Variants in USP49 observed in about 807,000 individuals in gnomAD.
The protein encoded by USP49 is ubiquitin specific peptidase 49.
Under a neutral mutation model 58.6 loss-of-function variants are expected in USP49, and 24 were observed. That is an observed-to-expected ratio of 0.41 (90% CI 0.30 to 0.58). USP49 has a LOEUF of 0.58. Ranked by LOEUF, USP49 falls within the 20% of genes least tolerant of loss-of-function variation. The pLI, the probability that USP49 is intolerant of heterozygous loss-of-function variation, is 0.30. For missense variants in USP49, 703 were observed against 866.1 expected (o/e 0.81, Z 2.36); for synonymous variants, 408 against 365.1 (o/e 1.12, Z -1.34).
At chr6:41,891,502 T>C (rs2127367482) in intron 2 of USP49, among the ~76,000 whole-genome samples, 1 of 152,332 alleles carries the variant, frequency 6.6e-6, no homozygotes, top group East Asian at 1.9e-4. Context: ...CAATTTGCAG[T>C]GCTTACAGAA....
intron 3 of USP49, among the ~76,000 whole-genome samples, chr6:41,841,173 GC>G (rs1445931901): frequency 6.6e-6 from 1 of 151,878 alleles, no homozygotes; most frequent in Non-Finnish European, 1.5e-5. Flanking sequence ...CCACACTCTT[GC>G]CTTCTCACCT....
intron 3 of USP49, among the ~76,000 whole-genome samples, chr6:41,820,651 C>T (rs1170762084): frequency 6.6e-6 from 1 of 151,958 alleles, no homozygotes; most frequent in Non-Finnish European, 1.5e-5. Context: ...TTGACAGGTA[C>T]ATGGAATTCA....
chr6:41,797,584 G>T, intron 7 of USP49: 14 of 981,690 alleles, frequency 1.4e-5, no homozygotes, highest in Non-Finnish European at 1.6e-5. Context: ...CTTTGGAGGG[G>T]CCCTTGCATC....
chr6:41,852,466 G>A (rs1208294345), intron 3 of USP49, among the ~76,000 whole-genome samples: 1 of 152,116 alleles, frequency 6.6e-6, no homozygotes, highest in Non-Finnish European at 1.5e-5. Context: ...AATTCAAAAG[G>A]AAATTTTTTA....
intron 3 of USP49, among the ~76,000 whole-genome samples, chr6:41,843,980 G>A (rs976003081): frequency 1.3e-5 from 2 of 152,122 alleles, no homozygotes; most frequent in African/African-American, 2.4e-5. Flanking sequence ...GGAGGTGGAG[G>A]TGGCAGTGAG....
intron 3 of USP49, among the ~76,000 whole-genome samples, chr6:41,842,802 T>C (rs977605666): frequency 2.6e-5 from 4 of 151,548 alleles, no homozygotes; most frequent in African/African-American, 9.7e-5. Context: ...TTTGTGTTTT[T>C]TCTTAAGTTT....
intron 3 of USP49, among the ~76,000 whole-genome samples, chr6:41,867,934 TA>T (rs1382885967): frequency 6.6e-6 from 1 of 152,244 alleles, no homozygotes; most frequent in Non-Finnish European, 1.5e-5. Context: ...TTCCCATACT[TA>T]AGATACATGA....
At chr6:41,843,387 C>A (rs114979636) in intron 3 of USP49, among the ~76,000 whole-genome samples, 1 of 152,116 alleles carries the variant, frequency 6.6e-6, no homozygotes, top group Non-Finnish European at 1.5e-5. Context: ...TGCATCATCA[C>A]GTTGGCTTTG....
In USP49 at chr6:41,805,888, G is replaced by A. The variant is rs751837819; in HGVS notation, c.1096C>T (p.Arg366Ter). ...GCCCACTTCCCGGACCACATGACTC[G>A]GAAGAGGGTGTGCAGTTCACGGCAG... is the stretch of plus-strand genomic sequence containing the variant. ...SLCRELHTLFRVMWSGKWALV... is the reference protein window; with the variant it reads ...SLCRELHTLF Residue 366 changes from arginine to a stop codon, truncating the protein, a stop_gained, in exon 4 of 8, where the codon CGA becomes TGA. Transcript: ENST00000682992. LOFTEE classifies it high-confidence loss of function. 1 of 1,613,994 alleles carries A rather than the reference G, an allele frequency of 6.2e-7. No homozygotes were observed. The highest frequency in any genetic ancestry group is 8.5e-7 in the Non-Finnish European group (1 of 1,180,026).
At position 41,792,306 on chromosome 6, in the gene USP49, T is replaced by C. The variant is rs1337921589; in HGVS notation, c.*4227A>G. 1 of 152,198 alleles carries C rather than the reference T, an allele frequency of 6.6e-6. No individual in the cohort carries two copies. Among genetic ancestry groups the C allele is most frequent in the Non-Finnish European group, 1.5e-5 (1 of 68,034 alleles). 9.4% of individuals were successfully genotyped at this position (152,198 alleles called of 1,614,324 possible). A position where few individuals can be genotyped will look rare whatever the true frequency, so the allele number is the denominator to read the frequency against. On this transcript the variant is annotated 3_prime_UTR_variant, in exon 8 of 8. Coordinates refer to ENST00000682992, the MANE Select transcript of USP49 (RefSeq NM_001286554.2). ...GGTTTTCTATACTGCTTCCGGACAT[T>C]TTTTGCAAAAGAACATCAGAACCAA...
chr6:41,878,923 C>A, intron 2 of USP49, among the ~76,000 whole-genome samples: 1 of 152,116 alleles, frequency 6.6e-6, no homozygotes, highest in East Asian at 1.9e-4. Flanking sequence ...AACACACAGG[C>A]CCAAGATAAT....
chr6:41,856,147 G>C (rs1282761814), intron 3 of USP49, among the ~76,000 whole-genome samples: 1 of 152,150 alleles, frequency 6.6e-6, no homozygotes, highest in Non-Finnish European at 1.5e-5. Context: ...GCCTAGGTGG[G>C]TGGATCACAA....
chr6:41,889,608 A>C (rs994755316), intron 2 of USP49, among the ~76,000 whole-genome samples: 2 of 152,200 alleles, frequency 1.3e-5, no homozygotes, highest in African/African-American at 4.8e-5. Context: ...GGAGAGACCT[A>C]CAAACCCATC....
chr6:41,849,132 C>T (rs1202928477), intron 3 of USP49, among the ~76,000 whole-genome samples: 3 of 152,084 alleles, frequency 2.0e-5, no homozygotes, highest in Non-Finnish European at 4.4e-5. Flanking sequence ...ATATTCCATG[C>T]AAATGGTAAC....
chr6:41,833,245 T>C (rs1773668012), intron 3 of USP49, among the ~76,000 whole-genome samples: 1 of 151,752 alleles, frequency 6.6e-6, no homozygotes, highest in Non-Finnish European at 1.5e-5. Flanking sequence ...CTCGATCTCC[T>C]GACCTCATGA....
At chr6:41,877,987 C>T (rs1295641588) in intron 2 of USP49, among the ~76,000 whole-genome samples, 1 of 152,112 alleles carries the variant, frequency 6.6e-6, no homozygotes, top group Non-Finnish European at 1.5e-5. Context: ...CCTTGAACTC[C>T]AGGCTCCAGG....
At chr6:41,847,911 G>GATAT (rs1157246479) in intron 3 of USP49, among the ~76,000 whole-genome samples, 2 of 152,138 alleles carry the variant, frequency 1.3e-5, no homozygotes, top group Non-Finnish European at 2.9e-5. Flanking sequence ...GAGATAAATG[G>GATAT]ATATGCACAT....
At chr6:41,844,321 T>A (rs948489120) in intron 3 of USP49, among the ~76,000 whole-genome samples, 4 of 152,096 alleles carry the variant, frequency 2.6e-5, no homozygotes, top group Non-Finnish European at 4.4e-5. Flanking sequence ...TTCTTTCTTT[T>A]TTTTTTTCTT....
In USP49 at chr6:41,793,036, C is replaced by T. The variant is rs1772824876; in HGVS notation, c.*3497G>A. 1 of 151,906 alleles carries T rather than the reference C, an allele frequency of 6.6e-6. No homozygotes were observed. Among genetic ancestry groups the T allele is most frequent in the Non-Finnish European group, 1.5e-5 (1 of 68,034 alleles). The allele number at this position is 151,906 out of a possible 1,614,324, so 9.4% of individuals were successfully genotyped here. On this transcript the variant is annotated 3_prime_UTR_variant, in exon 8 of 8. Transcript: ENST00000682992. ...AGGGCTTATGCTGGGGCATGCCCCA[C>T]TGTCAGCCAATCCACCTCATTGGTT...
Sources: allele counts gnomAD v4.1 joint callset (sites outside exome capture counted in the v4.1 genomes callset), GRCh38; gene constraint gnomAD v4.1.1; transcripts MANE v1.5; gene names NCBI Gene and HGNC (gene_info 2026-07-23, HGNC 2026-07-21).